PRKN: variants seen among roughly 807,000 people sequenced by gnomAD.
PRKN encodes the protein parkin RBR E3 ubiquitin protein ligase.
In PRKN, 56 loss-of-function variants were observed where a neutral mutation model predicts 59.5. The ratio of observed to expected loss-of-function variants is 0.94; its 90% CI spans 0.76 to 1.18. The LOEUF is 1.18. PRKN is among the 50% of genes most tolerant of loss of function. The pLI is 0.00. For missense variants in PRKN, 657 were observed against 596.4 expected, an observed-to-expected ratio of 1.10 and a Z score of -1.06; for synonymous variants, 250 against 222.1, an observed-to-expected ratio of 1.13 and a Z score of -1.12.
chr6:161,472,896 A>G (rs1211177808), intron 9 of PRKN, among the ~76,000 whole-genome samples: 1 of 152,208 alleles, frequency 6.6e-6, no homozygotes, highest in Non-Finnish European at 1.5e-5. Flanking sequence ...CAGGCATACG[A>G]AAAGGTAATC....
Position 161,456,676 on chromosome 6 carries a change from G to C in PRKN, c.1084-69799C>G, listed in dbSNP as rs1357571765. Among the ~76,000 whole-genome samples, 1 of 152,130 alleles carries C rather than the reference G, an allele frequency of 6.6e-6. No homozygotes were observed. The highest frequency in any genetic ancestry group is 1.5e-5 in the Non-Finnish European group (1 of 68,026). The stretch of plus-strand genomic sequence containing the variant: ...CAAGAATAAAGAGGATCAAGGACAG[G>C]GCACTGAACTGTACCAAAAGAAAGC... On this transcript the variant is annotated intron_variant, in intron 9 of 11. Transcript: ENST00000366898. The surrounding 1 kb of genome is among the most constrained non-coding windows in gnomAD (Gnocchi z 4.8).
chr6:162,440,692 A>C (rs1339734927), intron 2 of PRKN, among the ~76,000 whole-genome samples: 1 of 152,144 alleles, frequency 6.6e-6, no homozygotes, highest in African/African-American at 2.4e-5. Context: ...TCTTCTCTTC[A>C]GGACACCAAG....
intron 9 of PRKN, among the ~76,000 whole-genome samples, chr6:161,501,981 C>T (rs191024068): frequency 9.2e-5 from 14 of 152,262 alleles, no homozygotes; most frequent in African/African-American, 3.4e-4. Context: ...GATGCGCTGT[C>T]AGTGAGTGAC....
chr6:162,180,500 G>A (rs1279709532), intron 4 of PRKN, among the ~76,000 whole-genome samples: 1 of 152,084 alleles, frequency 6.6e-6, no homozygotes, highest in Non-Finnish European at 1.5e-5. Flanking sequence ...TGTGTTTACA[G>A]TCTCTTCAAA....
chr6:162,323,001 C>T (rs1783095829), intron 2 of PRKN, among the ~76,000 whole-genome samples: 1 of 141,972 alleles, frequency 7.0e-6, no homozygotes, highest in Admixed American at 7.8e-5. Flanking sequence ...TATTCTCACT[C>T]ATAGGTGGGA....
chr6:161,418,560 G>A (rs1162883051), intron 9 of PRKN, among the ~76,000 whole-genome samples: 2 of 152,140 alleles, frequency 1.3e-5, no homozygotes, highest in African/African-American at 4.8e-5. Context: ...GTAAATAAAC[G>A]TGATCATCTT....
At chr6:161,434,781 G>A (rs1302166624) in intron 9 of PRKN, among the ~76,000 whole-genome samples, 1 of 152,128 alleles carries the variant, frequency 6.6e-6, no homozygotes, top group Non-Finnish European at 1.5e-5. Flanking sequence ...AATCTTCAAG[G>A]TCCTAAAATT....
chr6:162,003,708 T>C (rs1257618596), intron 5 of PRKN, among the ~76,000 whole-genome samples: 1 of 152,174 alleles, frequency 6.6e-6, no homozygotes, highest in Non-Finnish European at 1.5e-5. Flanking sequence ...CTGTTAAAGA[T>C]CAATTGGAAC....
At chr6:162,362,349 T>C (rs942618158) in intron 2 of PRKN, among the ~76,000 whole-genome samples, 2 of 152,194 alleles carry the variant, frequency 1.3e-5, no homozygotes, top group African/African-American at 4.8e-5. Context: ...ATTTGGAACA[T>C]ATAAACCACA....
chr6:162,413,453 A>G (rs1788450899), intron 2 of PRKN, among the ~76,000 whole-genome samples: 1 of 152,226 alleles, frequency 6.6e-6, no homozygotes, highest in Admixed American at 6.5e-5. Flanking sequence ...GAAAAAAGTT[A>G]ATAAGCTGCC....
In PRKN at chr6:161,360,984, G is replaced by C. The variant is rs895920632; in HGVS notation, c.1168-779C>G. 4.6e-5 allele frequency among the ~76,000 whole-genome samples: 7 copies of C among 152,142 alleles called. No individual in the cohort carries two copies. The highest frequency in any genetic ancestry group is 1.7e-4 in the African/African-American group (7 of 41,418). ...CAAAGACTCAGAATGACTCCAGTGT[G>C]GCAAGCTTTTAATACATTTGCTGAC... is the stretch of plus-strand genomic sequence containing the variant. On this transcript the variant is annotated intron_variant, in intron 10 of 11. Coordinates refer to ENST00000366898, the MANE Select transcript of PRKN (RefSeq NM_004562.3). This position sits in a 1 kb window ranked among gnomAD's most constrained non-coding sequence, Gnocchi z 5.1.
intron 2 of PRKN, among the ~76,000 whole-genome samples, chr6:162,418,664 A>G (rs549177673): frequency 2.8e-3 from 217 of 77,708 alleles, no homozygotes; most frequent in African/African-American, 0.016. Context: ...GTGTGTGTTG[A>G]GGGGGGGGAT....
chr6:162,617,057 G>T (rs1782450769), intron 1 of PRKN, among the ~76,000 whole-genome samples: 1 of 152,050 alleles, frequency 6.6e-6, no homozygotes, highest in East Asian at 1.9e-4. Context: ...ATTTTTAATT[G>T]ATAATAATTG....
chr6:162,299,675 A>T (rs1285493304), intron 2 of PRKN, among the ~76,000 whole-genome samples: 1 of 151,500 alleles, frequency 6.6e-6, no homozygotes, highest in Non-Finnish European at 1.5e-5. Flanking sequence ...ATATATACAT[A>T]TATTTATTCC....
At chr6:161,867,751 T>TTA (rs1450984952) in intron 6 of PRKN, among the ~76,000 whole-genome samples, 1 of 141,218 alleles carries the variant, frequency 7.1e-6, no homozygotes, top group African/African-American at 3.0e-5. Flanking sequence ...ATTTATTTAT[T>TTA]TATTTATTTA....
In PRKN at chr6:162,056,754, G is replaced by A. The variant is rs1004483436; in HGVS notation, c.535-2580C>T. Among the ~76,000 whole-genome samples the A allele has an allele frequency of 3.3e-5, 5 of 152,186 alleles. No homozygotes were observed. Among genetic ancestry groups the A allele is most frequent in the East Asian group, 1.9e-4 (1 of 5,166 alleles). On this transcript the variant is annotated intron_variant, in intron 4 of 11. Coordinates refer to ENST00000366898, the MANE Select transcript of PRKN (RefSeq NM_004562.3). This position sits in a 1 kb window ranked among gnomAD's most constrained non-coding sequence, Gnocchi z 4.9. ...CTATGCACAACATCTTCTCACCCTC[G>A]GCAAGGCTGGAATTTTGATAAGCCC...
At chr6:162,247,170 T>C (rs1342789324) in intron 3 of PRKN, among the ~76,000 whole-genome samples, 1 of 152,164 alleles carries the variant, frequency 6.6e-6, no homozygotes, top group Non-Finnish European at 1.5e-5. Context: ...CTATTATGAC[T>C]TTCCAGTTTC....
chr6:162,375,847 T>C (rs182118097), intron 2 of PRKN, among the ~76,000 whole-genome samples: 27 of 151,982 alleles, frequency 1.8e-4, no homozygotes, highest in Admixed American at 1.3e-3. Context: ...CAAGTAAATA[T>C]ACTTTTCACT....
chr6:162,712,011 C>A (rs1332641712), intron 1 of PRKN, among the ~76,000 whole-genome samples: 2 of 152,156 alleles, frequency 1.3e-5, no homozygotes, highest in Non-Finnish European at 2.9e-5. Context: ...AGGTTGGCTT[C>A]ATCCTGCTGC....
Sources: gnomAD v4.1 joint callset for allele counts (sites outside exome capture counted in the v4.1 genomes callset) on GRCh38, gnomAD v4.1.1 for gene constraint, Gnocchi (gnomAD v3.1) non-coding constraint, MANE v1.5 for transcripts, NCBI Gene and HGNC (gene_info 2026-07-23, HGNC 2026-07-21) for gene names.